The following AIFM1 variants were observed in gnomAD, a reference collection of about 807,000 sequenced individuals.
AIFM1 encodes the protein apoptosis inducing factor mitochondria associated 1.
Under a neutral mutation model 51.7 loss-of-function variants are expected in AIFM1, and 3 were observed. The observed-to-expected ratio is 0.06, with a 90% CI of 0.03 to 0.15. The LOEUF (loss-of-function observed/expected upper bound fraction) is 0.15. AIFM1 is among the 10% of genes least tolerant of loss of function. The pLI is 1.00. For missense variants in AIFM1, 330 were observed against 476.8 expected, an observed-to-expected ratio of 0.69 and a Z score of 2.87; for synonymous variants, 178 against 179.4, an observed-to-expected ratio of 0.99 and a Z score of 0.06.
At chrX:130,146,720 G>A (rs1288611533) in intron 5 of AIFM1, among the ~76,000 whole-genome samples, 3 of 111,160 alleles carry the variant, frequency 2.7e-5, no homozygotes, top group Non-Finnish European at 5.7e-5. Flanking sequence ...GTATCTCCAA[G>A]TCTGTCGTGC....
At chrX:130,144,451 T>C (rs1396255941) in intron 6 of AIFM1, among the ~76,000 whole-genome samples, 5 of 112,351 alleles carry the variant, frequency 4.5e-5, no homozygotes, top group African/African-American at 1.6e-4. Context: ...TGTACCTAAC[T>C]GCTCTATCAG....
At chrX:130,135,068 T>C (rs1367418801) in intron 12 of AIFM1, among the ~76,000 whole-genome samples, 1 of 109,938 alleles carries the variant, frequency 9.1e-6, no homozygotes, top group Non-Finnish European at 1.9e-5. Context: ...GTCTTCTACA[T>C]TGACCACATA....
intron 9 of AIFM1, chrX:130,137,413 A>C: frequency 8.6e-7 from 1 of 1,158,941 alleles, no homozygotes; most frequent in Admixed American, 2.7e-5. Flanking sequence ...ATTAAGCTTC[A>C]GATGGTGAAC....
intron 9 of AIFM1, chrX:130,137,487 G>C (rs2030394958): frequency 8.6e-7 from 1 of 1,165,666 alleles, no homozygotes; most frequent in Admixed American, 2.6e-5. Flanking sequence ...CCTCTGAATA[G>C]GAAGCATCCT....
chrX:130,129,889 C>T (rs1768301449), intron 15 of AIFM1, 81 bp downstream of exon 15: 1 of 1,135,980 alleles, frequency 8.8e-7, no homozygotes, highest in Non-Finnish European at 1.2e-6. Context: ...GACAATGCAT[C>T]TCAGGGCACC....
chrX:130,162,382 T>A (rs1030101396), intron 1 of AIFM1, among the ~76,000 whole-genome samples: 9 of 111,924 alleles, frequency 8.0e-5, no homozygotes, highest in African/African-American at 2.6e-4. Flanking sequence ...AAAATACAGA[T>A]TCCCAGAATT....
At chrX:130,165,136 G>C (rs2031485266) in intron 1 of AIFM1, among the ~76,000 whole-genome samples, 1 of 109,097 alleles carries the variant, frequency 9.2e-6, no homozygotes, top group South Asian at 4.0e-4. Flanking sequence ...AGGCTGAGCA[G>C]ATAACACCCT....
chrX:130,149,350 G>A, intron 3 of AIFM1, 119 bp downstream of exon 3: 1 of 606,350 alleles, frequency 1.6e-6, no homozygotes, highest in Admixed American at 2.3e-5. Flanking sequence ...CTTTCTAGAT[G>A]CTTGCAATCT....
At chrX:130,151,766 C>T (rs764544845) in intron 2 of AIFM1, among the ~76,000 whole-genome samples, 5 of 112,222 alleles carry the variant, frequency 4.5e-5, no homozygotes, top group Admixed American at 3.8e-4. Context: ...TTTAGCCAGG[C>T]GCAGTGGCTG....
In AIFM1 at chrX:130,131,796, A is replaced by G; in HGVS notation, c.1452T>C (p.Ser484=). ...KPYWHQSMFW[S]DLGPDVGYEA... is the part of the protein sequence containing the mutation. The stretch of plus-strand genomic sequence containing the variant: ...CATAGCCAACATCGGGGCCCAAATC[A>G]CTCCTAAGAAGAGAGAAGAGGGTGT... The change falls in exon 14 of 16, where the codon AGT becomes AGC. Residue 484 remains serine (S), a synonymous_variant. Coordinates refer to ENST00000287295, the MANE Select transcript of AIFM1 (RefSeq NM_004208.4). 8.3e-7 allele frequency: 1 copy of G among 1,211,287 alleles called. No individual in the cohort carries two copies. The highest frequency in any genetic ancestry group is 1.1e-6 in the Non-Finnish European group (1 of 895,083).
intron 13 of AIFM1, 51 bp from the exon 14 acceptor site, chrX:130,131,850 G>A (rs1366873600): frequency 6.7e-6 from 8 of 1,195,881 alleles, no homozygotes; most frequent in Middle Eastern, 2.3e-4. Context: ...GGAATGACAC[G>A]GTAGCACATA....
intron 7 of AIFM1, 53 bp downstream of exon 7, chrX:130,140,480 T>C: frequency 9.4e-7 from 1 of 1,066,854 alleles, no homozygotes; most frequent in Non-Finnish European, 1.3e-6. Context: ...GGCTGGACTC[T>C]AAAACTTGAA....
At chrX:130,139,528 G>C (rs1259111842) in intron 8 of AIFM1, among the ~76,000 whole-genome samples, 2 of 111,143 alleles carry the variant, frequency 1.8e-5, no homozygotes, top group Admixed American at 9.6e-5. Context: ...AAACACATCA[G>C]GAAAAAACAA....
chrX:130,144,672 T>C, intron 6 of AIFM1, among the ~76,000 whole-genome samples: 2 of 111,912 alleles, frequency 1.8e-5, no homozygotes, highest in South Asian at 7.5e-4. Context: ...TTCCCAGTAT[T>C]TCCCACAACA....
intron 12 of AIFM1, 120 bp downstream of exon 12, chrX:130,135,925 C>T: frequency 1.0e-6 from 1 of 964,605 alleles, no homozygotes; most frequent in Non-Finnish European, 1.5e-6. Flanking sequence ...GTACCCTCAG[C>T]CTCCAAACAC....
chrX:130,146,435 C>A (rs1379704438), intron 5 of AIFM1, among the ~76,000 whole-genome samples: 1 of 96,786 alleles, frequency 1.0e-5, no homozygotes, highest in East Asian at 3.3e-4. Context: ...CAGAGCCAGA[C>A]CCTGTCTCTC....
chrX:130,148,922 C>CTT lies in AIFM1; in HGVS notation c.349+545_349+546dup, dbSNP rs11292355. Reference sequence around the variant, plus strand: ...CTTGCTAAGCTTGCCTTTTAAGAGACTTTTTTTTTTTTTTTTTTAGACAGA... The same window carrying CTT: ...CTTGCTAAGCTTGCCTTTTAAGAGACTTTTTTTTTTTTTTTTTTTTAGACAGA... On this transcript the variant is annotated intron_variant, in intron 3 of 15. Coordinates refer to ENST00000287295, the MANE Select transcript of AIFM1 (RefSeq NM_004208.4). 1.8e-3 allele frequency among the ~76,000 whole-genome samples: 120 copies of CTT among 68,354 alleles called. 1 individual carries two copies. The highest frequency in any genetic ancestry group is 3.5e-3 in the African/African-American group (58 of 16,656). The allele number at this position is 68,354 out of a possible 115,157, so 59.4% of individuals were successfully genotyped here.
At chrX:130,138,228 G>A (rs1161349758) in intron 9 of AIFM1, among the ~76,000 whole-genome samples, 2 of 111,507 alleles carry the variant, frequency 1.8e-5, no homozygotes, top group Non-Finnish European at 3.8e-5. Flanking sequence ...CACTTTGGGA[G>A]GCCAAGGTGG....
chrX:130,136,280 C>G, intron 11 of AIFM1, 95 bp from the exon 12 acceptor site: 2 of 1,050,729 alleles, frequency 1.9e-6, no homozygotes, highest in African/African-American at 3.7e-5. Flanking sequence ...AGAATTGGGA[C>G]TTTAAAAAAT....
Sources: gnomAD v4.1 joint callset for allele counts (sites outside exome capture counted in the v4.1 genomes callset) on GRCh38, gnomAD v4.1.1 for gene constraint, MANE v1.5 for transcripts, NCBI Gene and HGNC (gene_info 2026-07-23, HGNC 2026-07-21) for gene names.